Variants in SNPH observed in about 807,000 individuals in gnomAD.
SNPH encodes syntaphilin.
SNPH carries 10 observed loss-of-function variants against 36.8 expected under a neutral mutation model. That is an observed-to-expected ratio of 0.27 (90% CI 0.17 to 0.46). SNPH has a LOEUF of 0.46. Among genes scored for constraint, SNPH ranks in the 20% least tolerant of loss-of-function variants. SNPH has a pLI of 1.00. For missense variants in SNPH, 622 were observed against 744.0 expected, an observed-to-expected ratio of 0.84 and a Z score of 1.91; for synonymous variants, 281 against 312.2, an observed-to-expected ratio of 0.90 and a Z score of 1.05.
At chr20:1,284,174 C>T (rs1346233379) in intron 2 of SNPH, among the ~76,000 whole-genome samples, 2 of 152,188 alleles carry the variant, frequency 1.3e-5, no homozygotes, top group East Asian at 1.9e-4. Context: ...TCTTCCAGCT[C>T]ATAACCTAGC....
intron 2 of SNPH, among the ~76,000 whole-genome samples, chr20:1,283,953 T>C (rs2088255140): frequency 6.6e-6 from 1 of 152,206 alleles, no homozygotes; most frequent in Admixed American, 6.5e-5. Context: ...AGCTGTGACA[T>C]GCACCGTGTA....
At chr20:1,299,913 G>A (rs895466087) in intron 5 of SNPH, among the ~76,000 whole-genome samples, 2 of 152,194 alleles carry the variant, frequency 1.3e-5, no homozygotes, top group African/African-American at 4.8e-5. Flanking sequence ...GTGCCAGGGC[G>A]TATATGGAGA....
At chr20:1,299,853 C>T (rs750803818) in intron 5 of SNPH, among the ~76,000 whole-genome samples, 5 of 152,184 alleles carry the variant, frequency 3.3e-5, no homozygotes, top group Admixed American at 6.5e-5. Context: ...AGGAAGTGTG[C>T]GTGCATGTAG....
intron 2 of SNPH, among the ~76,000 whole-genome samples, chr20:1,286,848 T>C (rs1011549423): frequency 2.0e-5 from 3 of 152,172 alleles, no homozygotes; most frequent in African/African-American, 7.2e-5. Context: ...GGGCTTTGTC[T>C]GTGGAAAGGG....
chr20:1,298,126 G>A (rs4814078), intron 5 of SNPH, among the ~76,000 whole-genome samples: 25,025 of 152,164 alleles, frequency 0.16, 2,654 homozygotes, highest in East Asian at 0.47. Context: ...AGGTTGGGGC[G>A]TGTAGGGAAC....
chr20:1,306,011 G>A lies in SNPH; in HGVS notation c.1574G>A (p.Ser525Asn). 1 of 1,521,646 alleles carries A rather than the reference G, an allele frequency of 6.6e-7. No individual in the cohort carries two copies. Among genetic ancestry groups the A allele is most frequent in the South Asian group, 1.2e-5 (1 of 81,214 alleles). The allele number at this position is 1,521,646 out of a possible 1,614,324, so 94.3% of individuals were successfully genotyped here. A position where few individuals can be genotyped will look rare whatever the true frequency, so the allele number is the denominator to read the frequency against. The change falls in exon 7 of 7, where the codon AGC becomes AAC. Residue 525 changes from serine (S) to asparagine (N), a missense_variant. This residue lies in a region of SNPH where 379 missense variants were observed against 427.9 expected (regional missense o/e 0.89). Coordinates refer to ENST00000381867, the MANE Select transcript of SNPH (RefSeq NM_001318234.2). ...CGCAGGATCAGCTGCCGCTCGCTGA[G>A]CCAGCCGAGTCCCAGCCCAGCGGGC... ...SIRRISCRSL[S>N]QPSPSPAGGG... is the part of the protein sequence containing the mutation.
intron 2 of SNPH, among the ~76,000 whole-genome samples, chr20:1,292,316 G>C (rs1027328767): frequency 2.0e-5 from 3 of 152,330 alleles, no homozygotes; most frequent in African/African-American, 7.2e-5. Flanking sequence ...CCCATGTAGA[G>C]ATGCAGATTT....
At chr20:1,288,691 G>A (rs781440440) in intron 2 of SNPH, among the ~76,000 whole-genome samples, 1 of 149,432 alleles carries the variant, frequency 6.7e-6, no homozygotes, top group Admixed American at 6.8e-5. Flanking sequence ...TCGTGATCTC[G>A]GCTGACTACA....
chr20:1,273,581 T>C (rs983355977), intron 2 of SNPH, among the ~76,000 whole-genome samples: 5 of 152,180 alleles, frequency 3.3e-5, no homozygotes, highest in Admixed American at 2.6e-4. Context: ...CATAGAAATA[T>C]TAACAACAGC....
intron 2 of SNPH, among the ~76,000 whole-genome samples, chr20:1,286,843 TTGTC>T (rs2088289854): frequency 6.6e-6 from 1 of 152,162 alleles, no homozygotes; most frequent in Non-Finnish European, 1.5e-5. Context: ...GGTGGGGGCT[TTGTC>T]TGTGGAAAGG....
chr20:1,303,140 T>C (rs2088524029), intron 6 of SNPH, among the ~76,000 whole-genome samples: 4 of 152,378 alleles, frequency 2.6e-5, no homozygotes, highest in Admixed American at 2.6e-4. Context: ...TCTCTCCATA[T>C]GGAGTTTCAT....
intron 6 of SNPH, among the ~76,000 whole-genome samples, chr20:1,301,471 C>T (rs1329437807): frequency 6.6e-6 from 1 of 151,850 alleles, no homozygotes; most frequent in African/African-American, 2.4e-5. Context: ...GAGCTCAGAG[C>T]AGGCACGATG....
At chr20:1,289,990 T>A (rs1274649852) in intron 2 of SNPH, among the ~76,000 whole-genome samples, 1 of 151,612 alleles carries the variant, frequency 6.6e-6, no homozygotes, top group African/African-American at 2.4e-5. Flanking sequence ...GTGGGTGGAT[T>A]GCTTGAGGCC....
chr20:1,283,414 G>A (rs1045171206), intron 2 of SNPH, among the ~76,000 whole-genome samples: 1 of 152,084 alleles, frequency 6.6e-6, no homozygotes, highest in African/African-American at 2.4e-5. Context: ...CTCCAATGCC[G>A]TGCCACTAAC....
At position 1,289,221 on chromosome 20, in the gene SNPH, A is replaced by G. The variant is rs935898212; in HGVS notation, c.-492-5730A>G. On this transcript the variant is annotated intron_variant, in intron 2 of 6. Transcript: ENST00000381867. ...TAACCTCTGAGGCTTCAGGTTTCCC[A>G]TAGATCAGATGGACTAGTCTCTACC... 2.6e-5 allele frequency among the ~76,000 whole-genome samples: 4 copies of G among 152,246 alleles called. No individual in the cohort carries two copies. The East Asian group carries it at 5.8e-4, about 22-fold the overall frequency.
chr20:1,268,324 A>G (rs2088032274), intron 2 of SNPH, among the ~76,000 whole-genome samples: 1 of 152,158 alleles, frequency 6.6e-6, no homozygotes, highest in South Asian at 2.1e-4. Flanking sequence ...CAGGGCAGGG[A>G]TCAGGTCTTC....
chr20:1,291,177 A>G (rs2088356675), intron 2 of SNPH, among the ~76,000 whole-genome samples: 1 of 152,182 alleles, frequency 6.6e-6, no homozygotes. Flanking sequence ...CTCAGCCCTC[A>G]ACCTATGCTG....
At position 1,296,386 on chromosome 20, in the gene SNPH, G is replaced by A; in HGVS notation, c.147G>A (p.Leu49=). The A allele has an allele frequency of 1.2e-6, 2 of 1,604,946 alleles. No individual in the cohort carries two copies. The highest frequency in any genetic ancestry group is 1.1e-5 in the South Asian group (1 of 89,858). ...CCCACAGCCTCATGGCCATGTCCCT[G>A]CCAGGAAGTAGACGGACCTCTGCTG... ...TRTHSLMAMS[L]PGSRRTSAGS... The change falls in exon 4 of 7, where the codon CTG becomes CTA. Residue 49 remains leucine (L), a synonymous_variant. Coordinates refer to ENST00000381867, the MANE Select transcript of SNPH (RefSeq NM_001318234.2).
intron 6 of SNPH, 136 bp downstream of exon 6, chr20:1,300,847 C>G: frequency 2.2e-6 from 2 of 901,016 alleles, no homozygotes; most frequent in South Asian, 1.8e-5. Context: ...TCCTTCCCAG[C>G]AAAGCCTCAT....
Sources: allele counts gnomAD v4.1 joint callset (sites outside exome capture counted in the v4.1 genomes callset), GRCh38; gene constraint gnomAD v4.1.1; regional missense constraint gnomAD v4.1.1; transcripts MANE v1.5; gene names NCBI Gene and HGNC (gene_info 2026-07-23, HGNC 2026-07-21).